DCTN1: variants seen among roughly 807,000 people sequenced by gnomAD.
DCTN1 encodes the protein dynactin subunit 1.
In DCTN1, 61 loss-of-function variants were observed where a neutral mutation model predicts 161.2. The ratio of observed to expected loss-of-function variants is 0.38; its 90% CI spans 0.31 to 0.47. DCTN1 has a LOEUF of 0.47. DCTN1 is among the 20% of genes least tolerant of loss of function. The pLI, the probability that DCTN1 is intolerant of heterozygous loss-of-function variation, is 0.99. For synonymous variants in DCTN1, 653 were observed against 632.4 expected, an observed-to-expected ratio of 1.03 and a Z score of -0.49; for missense variants, 1,404 against 1,623.7, an observed-to-expected ratio of 0.86 and a Z score of 2.33.
At chr2:74,380,429 C>G, upstream of DCTN1, 2 of 493,652 alleles carry the variant, frequency 4.1e-6, no homozygotes. Context: ...CCTCAGCACT[C>G]AACTCTTGAA....
chr2:74,380,021 C>T lies in DCTN1; in HGVS notation c.17G>A (p.Arg6Lys). Residue 6 changes from arginine to lysine, a missense_variant, in exon 1 of 32, where the codon AGG (arginine) becomes AAG (lysine). By Grantham distance (26) the Arg-to-Lys change is conservative. This residue lies in a region of DCTN1 where 53 missense variants were observed against 54.4 expected (regional missense o/e 0.97). Transcript: ENST00000628224. ...GCCACTTACCCGGCTGTACACGTGC[C>T]TCTTGCTCTGTGCCATGTTGCTCAC... MAQSK[R>K]HVYSRTPSGS... 1.2e-6 allele frequency: 2 copies of T among 1,614,198 alleles called. No individual in the cohort carries two copies. The highest frequency in any genetic ancestry group is 8.5e-7 in the Non-Finnish European group (1 of 1,180,024).
intron 1 of DCTN1, among the ~76,000 whole-genome samples, chr2:74,389,955 T>A (rs1250045019): frequency 6.6e-6 from 1 of 152,186 alleles, no homozygotes; most frequent in Non-Finnish European, 1.5e-5. Context: ...ATACATCTGC[T>A]AAAATACTGC....
In DCTN1 at chr2:74,362,110, C is replaced by T. The variant is rs554008879; in HGVS notation, c.3641G>A (p.Arg1214His). The change falls in exon 31 of 32, where the codon CGC (arginine) becomes CAC (histidine). Residue 1214 changes from arginine (R) to histidine (H), a missense_variant. Arg to His is a conservative substitution (Grantham distance 29). Coordinates refer to ENST00000628224, the MANE Select transcript of DCTN1 (RefSeq NM_004082.5). ...GTCAGTGGGTACTGTGGCTCCAGGG[C>T]GCTGAGATACTGTCTCCTTGAGGAC... ...DEVLKETVSQ[R>H]PGATVPTDFA... is the part of the protein sequence containing the mutation. The T allele has an allele frequency of 1.7e-5, 27 of 1,613,726 alleles. No homozygotes were observed. Among genetic ancestry groups the T allele is most frequent in the South Asian group, 4.4e-5 (4 of 91,066 alleles).
At chr2:74,391,005 A>G (rs1161349734) in intron 1 of DCTN1, among the ~76,000 whole-genome samples, 1 of 152,248 alleles carries the variant, frequency 6.6e-6, no homozygotes, top group African/African-American at 2.4e-5. Context: ...AGGCTCTGCA[A>G]TATTCTGTAG....
At chr2:74,379,520 G>C (rs1030942626) in intron 1 of DCTN1, among the ~76,000 whole-genome samples, 1 of 152,102 alleles carries the variant, frequency 6.6e-6, no homozygotes, top group African/African-American at 2.4e-5. Context: ...GACAATAAAA[G>C]GAATTGCCAG....
At chr2:74,387,531 T>C (rs2103772350) in intron 1 of DCTN1, among the ~76,000 whole-genome samples, 1 of 152,316 alleles carries the variant, frequency 6.6e-6, no homozygotes, top group South Asian at 2.1e-4. Context: ...TTCTTCTATA[T>C]TCTCTCTTTG....
At chr2:74,379,776 T>G (rs1039408907) in intron 1 of DCTN1, among the ~76,000 whole-genome samples, 9 of 152,108 alleles carry the variant, frequency 5.9e-5, no homozygotes, top group African/African-American at 2.2e-4. Flanking sequence ...GAGGGCCAAT[T>G]AGAGTCAGAG....
At position 74,378,092 on chromosome 2, in the gene DCTN1, C is replaced by T. The variant is rs762014573; in HGVS notation, c.187G>A (p.Asp63Asn). 9.3e-6 allele frequency: 15 copies of T among 1,614,166 alleles called. No homozygotes were observed. The highest frequency in any genetic ancestry group is 1.3e-5 in the African/African-American group (1 of 74,948). Residue 63 changes from aspartate to asparagine, a missense_variant, in exon 2 of 32, where the codon GAT becomes AAT. Transcript: ENST00000628224. ...CCATCATTTTTGCCCTTTGCTTCAT[C>T]CAGAATCACGCCTACCCATTTGCCA... ...ATGKWVGVIL[D>N]EAKGKNDGTV...
Position 74,377,907 on chromosome 2 carries a change from C to T in DCTN1, c.279+93G>A, listed in dbSNP as rs11126433. Reference sequence around the variant, plus strand: ...CCACTCTCCCAACCAGAGGCTTATGCCCATGCTCAGGAAAACGAAGTACCA... The same window carrying T: ...CCACTCTCCCAACCAGAGGCTTATGTCCATGCTCAGGAAAACGAAGTACCA... On this transcript the variant is annotated intron_variant, in intron 2 of 31. Transcript: ENST00000628224. 366 of 1,568,954 alleles carry T rather than the reference C, an allele frequency of 2.3e-4. 2 individuals are homozygous for T. In the East Asian group the frequency reaches 6.6e-3, roughly 28 times the overall value.
intron 1 of DCTN1, chr2:74,378,872 A>G (rs985504054): frequency 6.4e-6 from 1 of 156,148 alleles, no homozygotes; most frequent in African/African-American, 2.4e-5. Context: ...ATGCTTCACC[A>G]CAGCCCATTC....
chr2:74,384,877 G>A (rs1485190130), upstream of DCTN1: 1 of 152,208 alleles, frequency 6.6e-6, no homozygotes, highest in Non-Finnish European at 1.5e-5. Flanking sequence ...GAAAGCACTA[G>A]TAAGGAAGAG....
intron 1 of DCTN1, among the ~76,000 whole-genome samples, chr2:74,390,145 C>T: frequency 6.6e-6 from 1 of 152,208 alleles, no homozygotes; most frequent in South Asian, 2.1e-4. Flanking sequence ...AGCCCCACTA[C>T]ACTCCACAGA....
At chr2:74,391,851 A>C (rs927954716) in exon 1 of DCTN1, 1 of 451,890 alleles carries the variant, frequency 2.2e-6, no homozygotes, top group African/African-American at 2.0e-5. Flanking sequence ...GACGCCCAAG[A>C]CCCTGCGGGG....
Position 74,369,112 on chromosome 2 carries a change from T to C in DCTN1, c.1687A>G (p.Lys563Glu), listed in dbSNP as rs1558939945. ...FDFKIKFAET[K>E]AHAKAIEMEL... ...ACTTTCCTGACCTTGGCATGGGCCT[T>C]AGTCTCAGCAAACTTGATTTTGAAG... The change falls in exon 15 of 32, where the codon AAG becomes GAG. Residue 563 changes from lysine (K) to glutamate (E), a missense_variant. This residue lies in a region of DCTN1 where 278 missense variants were observed against 363.8 expected (regional missense o/e 0.76). Transcript: ENST00000628224. The surrounding 1 kb of genome is among the most constrained non-coding windows in gnomAD (Gnocchi z 4.9). The C allele has an allele frequency of 6.2e-7, 1 of 1,614,236 alleles. No individual in the cohort carries two copies.
intron 2 of DCTN1, 58 bp from the exon 3 acceptor site, chr2:74,377,784 G>A (rs756875816): frequency 2.5e-5 from 39 of 1,551,632 alleles, no homozygotes; most frequent in African/African-American, 2.0e-4. Context: ...GATCAAGGAC[G>A]GCTGTAATAT....
At chr2:74,384,842 C>G (rs6713611), upstream of DCTN1, 19,088 of 152,252 alleles carry the variant, frequency 0.13, 1,582 homozygotes, top group East Asian at 0.46. Context: ...GGCAGTCTGA[C>G]AGCAAGGCAA....
chr2:74,374,670 C>T, intron 5 of DCTN1: 1 of 1,206,604 alleles, frequency 8.3e-7, no homozygotes, highest in Non-Finnish European at 1.0e-6. Flanking sequence ...GCCTCAGTGG[C>T]CGCAGCACCA....
intron 31 of DCTN1, 71 bp downstream of exon 31, chr2:74,361,981 A>T (rs55803434): frequency 6.7e-7 from 1 of 1,500,948 alleles, no homozygotes; most frequent in Non-Finnish European, 9.3e-7. Flanking sequence ...GCCTCCTCCA[A>T]TTCTGGAGGA....
At chr2:74,376,928 G>A (rs1219096876) in intron 4 of DCTN1, among the ~76,000 whole-genome samples, 166 bp from the exon 5 acceptor site, 3 of 152,118 alleles carry the variant, frequency 2.0e-5, no homozygotes, top group Non-Finnish European at 4.4e-5. Flanking sequence ...TTGGCCCAGA[G>A]AAGCTGCAGA....
Sources: allele counts gnomAD v4.1 joint callset (sites outside exome capture counted in the v4.1 genomes callset), GRCh38; gene constraint gnomAD v4.1.1; regional missense constraint gnomAD v4.1.1; non-coding constraint Gnocchi (gnomAD v3.1); transcripts MANE v1.5; gene names NCBI Gene and HGNC (gene_info 2026-07-23, HGNC 2026-07-21).